The following KCNH1 variants were observed in gnomAD, a reference collection of about 807,000 sequenced individuals.
KCNH1 encodes potassium voltage-gated channel subfamily H member 1.
A neutral mutation model predicts 69.2 loss-of-function variants in KCNH1; 27 were observed. That is an observed-to-expected ratio of 0.39 (90% CI 0.29 to 0.54). The LOEUF is 0.54. Ranked by LOEUF, KCNH1 falls within the 20% of genes least tolerant of loss-of-function variation. KCNH1 has a pLI of 0.68. For missense variants in KCNH1, 798 were observed against 1,261.6 expected, an observed-to-expected ratio of 0.63 and a Z score of 5.57; for synonymous variants, 456 against 487.7, an observed-to-expected ratio of 0.93 and a Z score of 0.86.
intron 9 of KCNH1, among the ~76,000 whole-genome samples, chr1:210,776,340 C>T (rs1460136023): frequency 3.3e-5 from 5 of 152,186 alleles, no homozygotes; most frequent in Admixed American, 3.3e-4. Flanking sequence ...CCAGGATCCT[C>T]TCTATCCCTA....
At chr1:210,920,319 T>G (rs1249800183) in intron 6 of KCNH1, among the ~76,000 whole-genome samples, 1 of 152,200 alleles carries the variant, frequency 6.6e-6, no homozygotes, top group Non-Finnish European at 1.5e-5. Flanking sequence ...AGAATTATAT[T>G]GTACATAAGT....
At chr1:210,865,821 T>C (rs1229009240) in intron 7 of KCNH1, among the ~76,000 whole-genome samples, 1 of 152,166 alleles carries the variant, frequency 6.6e-6, no homozygotes, top group Non-Finnish European at 1.5e-5. Context: ...GACAGACAGT[T>C]TTTATTTTGA....
chr1:211,026,575 C>T (rs1689689131), intron 5 of KCNH1, among the ~76,000 whole-genome samples: 1 of 152,166 alleles, frequency 6.6e-6, no homozygotes, highest in African/African-American at 2.4e-5. Flanking sequence ...CCTAGACTTC[C>T]CCTTTCTCGA....
intron 7 of KCNH1, among the ~76,000 whole-genome samples, chr1:210,903,044 AT>A (rs1687028292): frequency 6.6e-6 from 1 of 152,234 alleles, no homozygotes; most frequent in East Asian, 1.9e-4. Flanking sequence ...CATTTCAGCT[AT>A]GTGAATGCAT....
intron 1 of KCNH1, among the ~76,000 whole-genome samples, chr1:211,122,074 C>T (rs1691696178): frequency 6.6e-6 from 1 of 151,888 alleles, no homozygotes; most frequent in South Asian, 2.1e-4. Flanking sequence ...GGAGGCGGGG[C>T]TTGCAGTGAG....
At chr1:211,120,597 A>T (rs185284616) in intron 1 of KCNH1, among the ~76,000 whole-genome samples, 1 of 152,206 alleles carries the variant, frequency 6.6e-6, no homozygotes, top group Non-Finnish European at 1.5e-5. Flanking sequence ...ATAATTGAAT[A>T]ACACAAAAAA....
At chr1:210,874,849 C>T (rs777259759) in intron 7 of KCNH1, among the ~76,000 whole-genome samples, 3 of 152,146 alleles carry the variant, frequency 2.0e-5, no homozygotes, top group East Asian at 1.9e-4. Flanking sequence ...AACATATACA[C>T]ATAACCCAGT....
chr1:210,940,657 A>G (rs1177617451), intron 6 of KCNH1, among the ~76,000 whole-genome samples: 1 of 152,238 alleles, frequency 6.6e-6, no homozygotes, highest in East Asian at 1.9e-4. Context: ...CTGCGTATTC[A>G]GTTGTGATAA....
At chr1:210,921,852 T>C (rs1446784990) in intron 6 of KCNH1, among the ~76,000 whole-genome samples, 7 of 151,962 alleles carry the variant, frequency 4.6e-5, no homozygotes, top group Admixed American at 3.3e-4. Context: ...ATTTGAATTG[T>C]ATTGTGATGT....
chr1:210,954,708 C>G (rs1403752919), intron 6 of KCNH1, among the ~76,000 whole-genome samples: 1 of 152,138 alleles, frequency 6.6e-6, no homozygotes, highest in African/African-American at 2.4e-5. Context: ...GTCTTCTTTT[C>G]AGAAGTGTCT....
At chr1:211,115,278 C>T (rs1042922815) in intron 1 of KCNH1, among the ~76,000 whole-genome samples, 4 of 152,282 alleles carry the variant, frequency 2.6e-5, no homozygotes, top group East Asian at 3.9e-4. Flanking sequence ...CATGAGTCAC[C>T]GCACCTAGCA....
At chr1:211,064,260 T>TA (rs202047339) in intron 5 of KCNH1, among the ~76,000 whole-genome samples, 14 of 152,124 alleles carry the variant, frequency 9.2e-5, no homozygotes, top group Admixed American at 7.9e-4. Context: ...ATGAGTGGGT[T>TA]AAAAAAATCA....
intron 7 of KCNH1, chr1:210,859,033 GGTT>G (rs961049072): frequency 3.3e-5 from 20 of 607,878 alleles, no homozygotes; most frequent in African/African-American, 1.1e-4. Flanking sequence ...CATCTCCTGG[GGTT>G]GTTGTTGTTG....
intron 7 of KCNH1, chr1:210,858,251 A>T (rs1282470639): frequency 1.3e-5 from 2 of 152,168 alleles, no homozygotes; most frequent in Non-Finnish European, 2.9e-5. Context: ...CTTATTTTTT[A>T]TAGTAAGGTC....
At chr1:210,987,320 T>C (rs1159296644) in intron 6 of KCNH1, among the ~76,000 whole-genome samples, 1 of 152,206 alleles carries the variant, frequency 6.6e-6, no homozygotes, top group Non-Finnish European at 1.5e-5. Context: ...GTTCCATTGC[T>C]GGTGAGGAGC....
rs1558472980 is a variant in KCNH1, at chr1:210,795,962, A to ACACAC, written c.1915+1545_1915+1546insGTGTG. Among the ~76,000 whole-genome samples, 1,277 of 136,070 alleles carry ACACAC rather than the reference A, an allele frequency of 9.4e-3. 9 individuals are homozygous for ACACAC. The highest frequency in any genetic ancestry group is 0.016 in the Non-Finnish European group (1,029 of 64,078). The allele number at this position is 136,070 out of a possible 152,430, so 89.3% of individuals were successfully genotyped here. On this transcript the variant is annotated intron_variant, in intron 9 of 10. Transcript: ENST00000271751. ...ATGGTGAAACCCCATCTCTACTAAA[A>ACACAC]ACACACACACACACACACACACACA...
At chr1:210,877,747 T>C (rs1686408978) in intron 7 of KCNH1, among the ~76,000 whole-genome samples, 1 of 152,194 alleles carries the variant, frequency 6.6e-6, no homozygotes, top group South Asian at 2.1e-4. Flanking sequence ...ATAAAAATTA[T>C]TTAATTTTTT....
chr1:210,711,878 A>G (rs1558434511), intron 10 of KCNH1, among the ~76,000 whole-genome samples: 1 of 152,218 alleles, frequency 6.6e-6, no homozygotes, highest in Non-Finnish European at 1.5e-5. Context: ...TGTGGCTCTC[A>G]GAGGCTGGTT....
At chr1:211,131,313 T>A (rs1007867081) in intron 1 of KCNH1, among the ~76,000 whole-genome samples, 5 of 152,282 alleles carry the variant, frequency 3.3e-5, no homozygotes, top group East Asian at 3.9e-4. Flanking sequence ...TAAAAATAGT[T>A]CCACAGACTA....
Sources: allele counts gnomAD v4.1 joint callset (sites outside exome capture counted in the v4.1 genomes callset), GRCh38; gene constraint gnomAD v4.1.1; transcripts MANE v1.5; gene names NCBI Gene and HGNC (gene_info 2026-07-23, HGNC 2026-07-21).